Variants in ARHGAP10 observed in about 807,000 individuals in gnomAD.
ARHGAP10 encodes rho GTPase-activating protein 10.
A neutral mutation model predicts 108.6 loss-of-function variants in ARHGAP10; 87 were observed. The ratio of observed to expected loss-of-function variants is 0.80; its 90% CI spans 0.67 to 0.96. The LOEUF (loss-of-function observed/expected upper bound fraction) is 0.96, where lower values mean the gene tolerates loss of function less well. ARHGAP10 is among the 40% of genes least tolerant of loss of function. ARHGAP10 has a pLI of 0.00. For synonymous variants in ARHGAP10, 347 were observed against 341.1 expected, an observed-to-expected ratio of 1.02 and a Z score of -0.19; for missense variants, 939 against 954.5, an observed-to-expected ratio of 0.98 and a Z score of 0.21.
At chr4:147,854,630 T>C in intron 4 of ARHGAP10, 2 of 891,004 alleles carry the variant, frequency 2.2e-6, no homozygotes, top group Non-Finnish European at 2.7e-6. Flanking sequence ...CCATTCTTTA[T>C]TGAATGCTAC....
At chr4:147,857,505 G>A in intron 4 of ARHGAP10, 48 bp from the exon 5 acceptor site, 2 of 1,391,294 alleles carry the variant, frequency 1.4e-6, no homozygotes, top group Non-Finnish European at 1.9e-6. Context: ...GATTAACCAT[G>A]TGTATCCTTT....
At chr4:147,934,402 T>C (rs762404437) in intron 13 of ARHGAP10, among the ~76,000 whole-genome samples, 1 of 152,162 alleles carries the variant, frequency 6.6e-6, no homozygotes, top group Non-Finnish European at 1.5e-5. Context: ...GAGACTTTGA[T>C]GGTGGATGGA....
intron 1 of ARHGAP10, among the ~76,000 whole-genome samples, chr4:147,766,394 A>T (rs1309913926): frequency 6.6e-6 from 1 of 152,070 alleles, no homozygotes; most frequent in Non-Finnish European, 1.5e-5. Context: ...TGTAAATGCT[A>T]TGTAAATAGT....
At chr4:147,963,343 C>T (rs2126994279) in intron 16 of ARHGAP10, among the ~76,000 whole-genome samples, 1 of 152,296 alleles carries the variant, frequency 6.6e-6, no homozygotes, top group South Asian at 2.1e-4. Context: ...CAAGGGCTCT[C>T]CATTATGAGA....
intron 18 of ARHGAP10, among the ~76,000 whole-genome samples, chr4:147,984,266 G>T (rs968627449): frequency 6.6e-6 from 1 of 152,222 alleles, no homozygotes; most frequent in Non-Finnish European, 1.5e-5. Flanking sequence ...ACACATTCGC[G>T]TTCAGCGGCT....
At chr4:147,849,756 G>T (rs957440878) in intron 4 of ARHGAP10, among the ~76,000 whole-genome samples, 1 of 152,120 alleles carries the variant, frequency 6.6e-6, no homozygotes, top group Non-Finnish European at 1.5e-5. Flanking sequence ...TTGTAAATTG[G>T]ATTTTGAAAA....
At chr4:147,918,839 C>A (rs1349253144) in intron 13 of ARHGAP10, among the ~76,000 whole-genome samples, 1 of 152,246 alleles carries the variant, frequency 6.6e-6, no homozygotes, top group East Asian at 1.9e-4. Context: ...GAGGACCAAG[C>A]ATCTCTGAGG....
intron 3 of ARHGAP10, among the ~76,000 whole-genome samples, chr4:147,832,202 C>G (rs1047313796): frequency 6.6e-6 from 1 of 152,030 alleles, no homozygotes; most frequent in African/African-American, 2.4e-5. Flanking sequence ...GCTGAGTCTG[C>G]TGTTTCACTA....
In ARHGAP10 at chr4:148,002,563, G is replaced by A. The variant is rs28888171; in HGVS notation, c.1717-20700G>A. Reference sequence around the variant, plus strand: ...GGTCCTGGACTTTTTTTGGTTGGTAGGCTATTAATTATTGCTTCAATTTCA... The same window carrying A: ...GGTCCTGGACTTTTTTTGGTTGGTAAGCTATTAATTATTGCTTCAATTTCA... On this transcript the variant is annotated intron_variant, in intron 18 of 22. Transcript: ENST00000336498. Among the ~76,000 whole-genome samples the A allele has an allele frequency of 8.3e-3, 1,265 of 152,194 alleles. 13 individuals carry two copies. The highest frequency in any genetic ancestry group is 0.022 in the African/African-American group (922 of 41,536).
intron 10 of ARHGAP10, among the ~76,000 whole-genome samples, chr4:147,883,356 C>G (rs942681479): frequency 3.9e-5 from 6 of 152,202 alleles, no homozygotes; most frequent in Admixed American, 1.3e-4. Flanking sequence ...GCCACCATGC[C>G]TGGCCTAAAT....
At chr4:147,804,078 G>T (rs909713772) in intron 1 of ARHGAP10, among the ~76,000 whole-genome samples, 1 of 151,124 alleles carries the variant, frequency 6.6e-6, no homozygotes, top group Non-Finnish European at 1.5e-5. Context: ...GGGGTTTGGT[G>T]TACAGATTAT....
chr4:147,814,397 C>T (rs926230826), intron 1 of ARHGAP10, among the ~76,000 whole-genome samples: 1 of 151,694 alleles, frequency 6.6e-6, no homozygotes, highest in African/African-American at 2.4e-5. Context: ...TGATTGGGAA[C>T]TAAGTTTCTC....
intron 19 of ARHGAP10, among the ~76,000 whole-genome samples, chr4:148,024,535 C>T (rs1578801601): frequency 6.6e-6 from 1 of 152,314 alleles, no homozygotes; most frequent in South Asian, 2.1e-4. Context: ...CGGAATGCCT[C>T]CTGTAATGAC....
At chr4:147,818,867 T>C (rs550643934) in intron 1 of ARHGAP10, among the ~76,000 whole-genome samples, 3 of 152,250 alleles carry the variant, frequency 2.0e-5, no homozygotes, top group Non-Finnish European at 4.4e-5. Context: ...TTAAAAGAAA[T>C]AGAATATGGT....
At chr4:147,779,830 G>C (rs1300938544) in intron 1 of ARHGAP10, among the ~76,000 whole-genome samples, 1 of 152,142 alleles carries the variant, frequency 6.6e-6, no homozygotes, top group East Asian at 1.9e-4. Context: ...TATGTAATCT[G>C]TTGACCCTGA....
chr4:147,915,511 A>G (rs182973954), intron 13 of ARHGAP10, among the ~76,000 whole-genome samples: 13 of 152,298 alleles, frequency 8.5e-5, no homozygotes, highest in Admixed American at 8.5e-4. Flanking sequence ...ATGCAGATCT[A>G]TCTAGAAGGC....
chr4:147,946,649 A>G lies in ARHGAP10; in HGVS notation c.1336A>G (p.Asn446Asp). 2 of 1,612,898 alleles carry G rather than the reference A, an allele frequency of 1.2e-6. No homozygotes were observed. The highest frequency in any genetic ancestry group is 1.7e-6 in the Non-Finnish European group (2 of 1,179,602). ...VKTCNEVDLE[N>D]SADWEVKTIT... ...AACATGCAATGAGGTGGACCTGGAG[A>G]ATTCTGCAGATTGGGAAGTGAAGAC... Residue 446 changes from asparagine to aspartate, a missense_variant, in exon 15 of 23, where the codon AAT (asparagine) becomes GAT (aspartate). Coordinates refer to ENST00000336498, the MANE Select transcript of ARHGAP10 (RefSeq NM_024605.4).
At chr4:147,842,989 C>T (rs990386102) in intron 3 of ARHGAP10, among the ~76,000 whole-genome samples, 9 of 152,164 alleles carry the variant, frequency 5.9e-5, no homozygotes, top group African/African-American at 1.2e-4. Context: ...GTTAGTTGGG[C>T]GTGAAACTTC....
Position 147,878,921 on chromosome 4 carries a change from C to A in ARHGAP10, c.833-311C>A, listed in dbSNP as rs368174104. ...CCTCCCGAGTAGCTAAGACTATAGG[C>A]GCCTGCCACTATGCCTGGCTAATTT... On this transcript the variant is annotated intron_variant, in intron 8 of 22. Coordinates refer to ENST00000336498, the MANE Select transcript of ARHGAP10 (RefSeq NM_024605.4). Among the ~76,000 whole-genome samples the A allele has an allele frequency of 7.8e-4, 118 of 152,092 alleles. 1 individual carries two copies. The East Asian group carries it at 0.016, about 21-fold the overall frequency.
Sources: gnomAD v4.1 joint callset for allele counts (sites outside exome capture counted in the v4.1 genomes callset) on GRCh38, gnomAD v4.1.1 for gene constraint, MANE v1.5 for transcripts, NCBI Gene and HGNC (gene_info 2026-07-23, HGNC 2026-07-21) for gene names.